CPEB3: variants seen among roughly 807,000 people sequenced by gnomAD.
CPEB3 encodes cytoplasmic polyadenylation element-binding protein 3.
Under a neutral mutation model 67.2 loss-of-function variants are expected in CPEB3, and 20 were observed. The observed-to-expected ratio is 0.30, with a 90% CI of 0.21 to 0.43. CPEB3 has a LOEUF of 0.43. Ranked by LOEUF, CPEB3 falls within the 20% of genes least tolerant of loss-of-function variation. The probability of loss-of-function intolerance (pLI) is 1.00; values close to 1 mark genes in which losing one functional copy is unlikely to be tolerated. For synonymous variants in CPEB3, 376 were observed against 393.1 expected, an observed-to-expected ratio of 0.96 and a Z score of 0.51; for missense variants, 746 against 968.6, an observed-to-expected ratio of 0.77 and a Z score of 3.05.
chr10:92,157,901 T>C (rs551654107), intron 4 of CPEB3, among the ~76,000 whole-genome samples: 15 of 152,064 alleles, frequency 9.9e-5, no homozygotes, highest in Non-Finnish European at 1.8e-4. Flanking sequence ...ATAAATTATT[T>C]TGCTAAAATA....
intron 4 of CPEB3, among the ~76,000 whole-genome samples, chr10:92,175,698 A>C (rs1444022374): frequency 1.3e-5 from 2 of 152,346 alleles, no homozygotes; most frequent in African/African-American, 4.8e-5. Flanking sequence ...AGAGAAAAAG[A>C]TTCACACAAA....
chr10:92,280,859 A>G (rs1215306636), intron 1 of CPEB3, among the ~76,000 whole-genome samples: 1 of 144,920 alleles, frequency 6.9e-6, no homozygotes, highest in African/African-American at 2.6e-5. Flanking sequence ...TCCTGGGTTC[A>G]AGCAATTCTC....
intron 1 of CPEB3, among the ~76,000 whole-genome samples, chr10:92,265,905 G>A (rs1853034728): frequency 6.6e-6 from 1 of 151,948 alleles, no homozygotes; most frequent in East Asian, 1.9e-4. Context: ...GAGCCTTGAG[G>A]AGGTAACTAG....
chr10:92,165,435 T>G (rs78987251), intron 4 of CPEB3, among the ~76,000 whole-genome samples: 1 of 113,456 alleles, frequency 8.8e-6, no homozygotes, highest in African/African-American at 3.5e-5. Context: ...TGGTGGAAGG[T>G]CTTCCCTCCA....
At chr10:92,146,926 T>A (rs1284972609) in intron 4 of CPEB3, among the ~76,000 whole-genome samples, 1 of 152,202 alleles carries the variant, frequency 6.6e-6, no homozygotes, top group Non-Finnish European at 1.5e-5. Context: ...CAGGTTTGCT[T>A]TATTCCATAG....
intron 8 of CPEB3, 38 bp from the exon 9 acceptor site, chr10:92,081,539 T>C (rs1234443173): frequency 1.3e-6 from 2 of 1,561,880 alleles, no homozygotes; most frequent in East Asian, 2.2e-5. Flanking sequence ...TGTATAAATA[T>C]CTGGGAGGTA....
At chr10:92,068,432 G>A (rs368189553) in intron 9 of CPEB3, among the ~76,000 whole-genome samples, 15 of 152,160 alleles carry the variant, frequency 9.9e-5, no homozygotes, top group African/African-American at 3.4e-4. Flanking sequence ...ACAACCTCAC[G>A]GGCCTCTGTT....
At chr10:92,169,897 A>G (rs1847925601) in intron 4 of CPEB3, among the ~76,000 whole-genome samples, 1 of 152,328 alleles carries the variant, frequency 6.6e-6, no homozygotes, top group Middle Eastern at 3.4e-3. Context: ...ATTTCCACTA[A>G]GACAATACTA....
chr10:92,203,523 TA>T (rs1564863439), intron 2 of CPEB3, among the ~76,000 whole-genome samples: 9 of 111,786 alleles, frequency 8.1e-5, no homozygotes, highest in Middle Eastern at 5.0e-3. Flanking sequence ...TATATATATA[TA>T]TATATTTTTT....
At chr10:92,219,461 C>T (rs966942378) in intron 2 of CPEB3, among the ~76,000 whole-genome samples, 1 of 152,164 alleles carries the variant, frequency 6.6e-6, no homozygotes, top group Non-Finnish European at 1.5e-5. Context: ...TTATACCTCA[C>T]AATGTGAAGG....
chr10:92,089,216 T>G (rs1394914418), intron 8 of CPEB3, among the ~76,000 whole-genome samples: 1 of 152,208 alleles, frequency 6.6e-6, no homozygotes, highest in African/African-American at 2.4e-5. Flanking sequence ...GCTCAGTGTG[T>G]TTCAAAGAAA....
intron 9 of CPEB3, among the ~76,000 whole-genome samples, chr10:92,080,752 C>G (rs1843118234): frequency 1.3e-5 from 2 of 152,022 alleles, no homozygotes; most frequent in African/African-American, 4.8e-5. Flanking sequence ...TGCCACTACT[C>G]CCAGCTAATT....
intron 9 of CPEB3, among the ~76,000 whole-genome samples, chr10:92,077,530 G>A (rs1400538379): frequency 6.6e-6 from 1 of 152,112 alleles, no homozygotes; most frequent in Non-Finnish European, 1.5e-5. Flanking sequence ...GCTGAGGCAG[G>A]TAGATCACTT....
At chr10:92,133,945 A>G (rs1845966120) in intron 6 of CPEB3, among the ~76,000 whole-genome samples, 1 of 152,244 alleles carries the variant, frequency 6.6e-6, no homozygotes, top group Non-Finnish European at 1.5e-5. Context: ...GATGCAGGAA[A>G]GGCCTTTGAC....
chr10:92,182,581 T>G (rs1003738384), intron 3 of CPEB3, among the ~76,000 whole-genome samples: 4 of 152,108 alleles, frequency 2.6e-5, no homozygotes, highest in Non-Finnish European at 4.4e-5. Context: ...ATCCCAGCAC[T>G]TTGGGAAGCC....
At chr10:92,086,446 A>G (rs1238034293) in intron 8 of CPEB3, among the ~76,000 whole-genome samples, 1 of 152,246 alleles carries the variant, frequency 6.6e-6, no homozygotes, top group East Asian at 1.9e-4. Context: ...GTACACTGGT[A>G]CCAAGTAGAC....
intron 1 of CPEB3, among the ~76,000 whole-genome samples, chr10:92,274,220 C>T (rs1841874303): frequency 6.6e-6 from 1 of 152,208 alleles, no homozygotes; most frequent in Admixed American, 6.5e-5. Flanking sequence ...GGGCCCAACA[C>T]ATGCCCATTG....
chr10:92,146,097 C>G (rs1846666818), intron 4 of CPEB3, among the ~76,000 whole-genome samples: 1 of 152,026 alleles, frequency 6.6e-6, no homozygotes, highest in Non-Finnish European at 1.5e-5. Flanking sequence ...CATTTTATAT[C>G]ACTCAAAAAA....
intron 4 of CPEB3, among the ~76,000 whole-genome samples, chr10:92,164,122 G>A (rs1847624931): frequency 6.6e-6 from 1 of 152,072 alleles, no homozygotes; most frequent in Non-Finnish European, 1.5e-5. Context: ...AATTTATCAT[G>A]TTCCAGGCAT....
Sources: allele counts gnomAD v4.1 joint callset (sites outside exome capture counted in the v4.1 genomes callset), GRCh38; gene constraint gnomAD v4.1.1; transcripts MANE v1.5; gene names NCBI Gene and HGNC (gene_info 2026-07-23, HGNC 2026-07-21).